The following ICMT variants were observed in gnomAD, a reference collection of about 807,000 sequenced individuals.
ICMT encodes protein-S-isoprenylcysteine O-methyltransferase.
Under a neutral mutation model 32.2 loss-of-function variants are expected in ICMT, and 10 were observed. That is an observed-to-expected ratio of 0.31 (90% confidence interval 0.19 to 0.53). The LOEUF is 0.53. ICMT is among the 20% of genes least tolerant of loss of function. ICMT has a pLI of 0.96. For synonymous variants in ICMT, 183 were observed against 158.2 expected, an observed-to-expected ratio of 1.16 and a Z score of -1.18; for missense variants, 265 against 356.9, an observed-to-expected ratio of 0.74 and a Z score of 2.07.
intron 3 of ICMT, among the ~76,000 whole-genome samples, chr1:6,232,458 G>C (rs149478136): frequency 6.6e-6 from 1 of 152,126 alleles, no homozygotes; most frequent in Non-Finnish European, 1.5e-5. Context: ...AGCAAAAAAG[G>C]GTCCAAGGTT....
intron 4 of ICMT, among the ~76,000 whole-genome samples, chr1:6,230,986 G>C (rs1359788146): frequency 6.6e-6 from 1 of 151,556 alleles, no homozygotes; most frequent in East Asian, 1.9e-4. Context: ...CAGACTGCTT[G>C]AGCTCAGTAG....
rs911894892 is a variant in ICMT at position 6,223,614 on chromosome 1, T to C, written c.*1466A>G. The stretch of plus-strand genomic sequence containing the variant: ...TAGCTTTCATACAGTACAGATTTCA[T>C]TGATGTCGCTCCCACATCTGAGTAT... On this transcript the variant is annotated 3_prime_UTR_variant, in exon 5 of 5. Coordinates refer to ENST00000343813, the MANE Select transcript of ICMT (RefSeq NM_012405.4). 2 of 152,272 alleles carry C rather than the reference T, an allele frequency of 1.3e-5. No homozygotes were observed. Among genetic ancestry groups the C allele is most frequent in the East Asian group, 1.9e-4 (1 of 5,198 alleles). 9.4% of individuals were successfully genotyped at this position (152,272 alleles called of 1,614,324 possible).
intron 4 of ICMT, among the ~76,000 whole-genome samples, chr1:6,230,655 C>T (rs1668720404): frequency 6.6e-6 from 1 of 150,828 alleles, no homozygotes; most frequent in South Asian, 2.1e-4. Context: ...TTTGGGAGGC[C>T]GAGGCGGGCA....
chr1:6,228,903 A>G (rs1168634713), intron 4 of ICMT, among the ~76,000 whole-genome samples: 1 of 151,948 alleles, frequency 6.6e-6, no homozygotes, highest in Non-Finnish European at 1.5e-5. Flanking sequence ...GAGGTAGTGC[A>G]CAACTGTAAT....
In ICMT at chr1:6,231,988, T is replaced by C. The variant is rs1668745357; in HGVS notation, c.586A>G (p.Thr196Ala). ...NHVVQNEKSD[T>A]HTLVTSGVYA... ...ACTCCACTGGTCACCAGAGTATGTGTATCTGATTTTTCATTCTGTACCACG... is the reference window on the plus strand; with the variant it reads ...ACTCCACTGGTCACCAGAGTATGTGCATCTGATTTTTCATTCTGTACCACG... Residue 196 changes from threonine (T) to alanine (A), a missense_variant, in exon 4 of 5, where the codon ACA (threonine) becomes GCA (alanine). Physicochemically the swap from Thr to Ala is moderately conservative, Grantham distance 58 (BLOSUM62 0). This residue lies in a region of ICMT where 166 missense variants were observed against 264.3 expected (regional missense o/e 0.63). Coordinates refer to ENST00000343813, the MANE Select transcript of ICMT (RefSeq NM_012405.4). 6.2e-7 allele frequency: 1 copy of C among 1,614,084 alleles called. No individual in the cohort carries two copies. Among genetic ancestry groups the C allele is most frequent in the African/African-American group, 1.3e-5 (1 of 75,006 alleles).
chr1:6,231,615 C>T (rs2100966842), intron 4 of ICMT, among the ~76,000 whole-genome samples: 1 of 151,978 alleles, frequency 6.6e-6, no homozygotes. Flanking sequence ...CAGCAGGTAG[C>T]TAACAGCACC....
chr1:6,222,697 AAC>A lies in ICMT; in HGVS notation c.*2381_*2382del, dbSNP rs374504103. The A allele has an allele frequency of 5.9e-5, 9 of 152,260 alleles. No homozygotes were observed. Among genetic ancestry groups the A allele is most frequent in the Admixed American group, 5.9e-4 (9 of 15,286 alleles). 9.4% of individuals were successfully genotyped at this position (152,260 alleles called of 1,614,324 possible). A position where few individuals can be genotyped will look rare whatever the true frequency, so the allele number is the denominator to read the frequency against. On this transcript the variant is annotated 3_prime_UTR_variant, in exon 5 of 5. Coordinates refer to ENST00000343813, the MANE Select transcript of ICMT (RefSeq NM_012405.4). Reference sequence around the variant, plus strand: ...CAGATGGAGGATGGCATTAAATGCCAACACAGTCAGCTTACCATCCACAAGGC... The same window carrying A: ...CAGATGGAGGATGGCATTAAATGCCAACAGTCAGCTTACCATCCACAAGGC...
intron 4 of ICMT, among the ~76,000 whole-genome samples, chr1:6,227,787 C>T (rs1225313793): frequency 1.3e-5 from 2 of 151,448 alleles, no homozygotes; most frequent in African/African-American, 2.4e-5. Context: ...ACCCAGGAGG[C>T]GGAGCTTGCA....
At chr1:6,233,256 C>T (rs1187569648) in intron 3 of ICMT, among the ~76,000 whole-genome samples, 1 of 152,270 alleles carries the variant, frequency 6.6e-6, no homozygotes, top group African/African-American at 2.4e-5. Flanking sequence ...CTATGTGATG[C>T]AAACTTTAAA....
chr1:6,225,656 T>A (rs1489104611), intron 4 of ICMT, among the ~76,000 whole-genome samples: 2 of 151,778 alleles, frequency 1.3e-5, no homozygotes, highest in Non-Finnish European at 2.9e-5. Flanking sequence ...GGCCTCTGCC[T>A]CCTAAACCCA....
chr1:6,225,398 T>C (rs3747974), intron 4 of ICMT, 136 bp from the exon 5 acceptor site: 78,720 of 775,286 alleles, frequency 0.1, 6,066 homozygotes, highest in African/African-American at 0.34. Flanking sequence ...CTGGGAGCAG[T>C]ACTGTCACCT....
At position 6,233,458 on chromosome 1, in the gene ICMT, C is replaced by G; in HGVS notation, c.454+16G>C. ...CACCCTTTTCCCCTCCAGAGGGGGACATAAGGCACACGAACCTGGCCAAAA... is the reference window on the plus strand; with the variant it reads ...CACCCTTTTCCCCTCCAGAGGGGGAGATAAGGCACACGAACCTGGCCAAAA... On this transcript the variant is annotated intron_variant, in intron 3 of 4. Transcript: ENST00000343813. 1.2e-6 allele frequency: 2 copies of G among 1,609,792 alleles called. No individual in the cohort carries two copies. The highest frequency in any genetic ancestry group is 1.7e-6 in the Non-Finnish European group (2 of 1,177,860).
rs1318781518 is a variant in ICMT at position 6,231,779 on chromosome 1, A to G, written c.672+123T>C. The G allele has an allele frequency of 7.8e-6, 5 of 637,456 alleles. No homozygotes were observed. In the African/African-American group the frequency reaches 9.2e-5, roughly 12 times the overall value. The allele number at this position is 637,456 out of a possible 1,614,324, so 39.5% of individuals were successfully genotyped here. On this transcript the variant is annotated intron_variant, in intron 4 of 4. Transcript: ENST00000343813. ...TTTAAAGGAGACCAACAACCTCATGAATACACTGAAAACCACTAATTGTAT... is the reference window on the plus strand; with the variant it reads ...TTTAAAGGAGACCAACAACCTCATGGATACACTGAAAACCACTAATTGTAT...
At chr1:6,229,712 C>T (rs763741969) in intron 4 of ICMT, among the ~76,000 whole-genome samples, 4 of 151,166 alleles carry the variant, frequency 2.6e-5, no homozygotes, top group Non-Finnish European at 5.9e-5. Context: ...ATGATCATGC[C>T]AATGCACTAT....
At chr1:6,231,273 T>C (rs1197218813) in intron 4 of ICMT, among the ~76,000 whole-genome samples, 1 of 152,034 alleles carries the variant, frequency 6.6e-6, no homozygotes, top group Admixed American at 6.5e-5. Flanking sequence ...CACTAACACA[T>C]GGCCTCGGCC....
In ICMT at chr1:6,235,946, G is replaced by C; in HGVS notation, c.-35C>G. 1.9e-6 allele frequency: 2 copies of C among 1,068,790 alleles called. No homozygotes were observed. Among genetic ancestry groups the C allele is most frequent in the Non-Finnish European group, 1.1e-6 (1 of 877,450 alleles). The allele number at this position is 1,068,790 out of a possible 1,614,324, so 66.2% of individuals were successfully genotyped here. A position where few individuals can be genotyped will look rare whatever the true frequency, so the allele number is the denominator to read the frequency against. ...CGGCGGACTAGCGGGCGGCGGCGCC[G>C]GCTGTAGCCCGGAGAAACGCGCCGG... On this transcript the variant is annotated 5_prime_UTR_variant, in exon 1 of 5. Coordinates refer to ENST00000343813, the MANE Select transcript of ICMT (RefSeq NM_012405.4).
At chr1:6,234,057 AAGGCTGGTCTCGAACTCCTGGCTTGGCC>A (rs1668777311) in intron 2 of ICMT, among the ~76,000 whole-genome samples, 1 of 152,072 alleles carries the variant, frequency 6.6e-6, no homozygotes, top group African/African-American at 2.4e-5. Flanking sequence ...CTATGTTGGC[AAGGCTGGTCTCGAACTCCTGGCTTGGCC>A]AGGCTGGTCT....
In ICMT at chr1:6,233,000, G is replaced by A. The variant is rs143970513; in HGVS notation, c.454+474C>T. On this transcript the variant is annotated intron_variant, in intron 3 of 4. Coordinates refer to ENST00000343813, the MANE Select transcript of ICMT (RefSeq NM_012405.4). ...AGCCTCCCGAGTAGCTGGGATTACA[G>A]GCATGTGCCACTACGCCTGGCTTTT... Among the ~76,000 whole-genome samples the A allele has an allele frequency of 3.4e-3, 522 of 152,164 alleles. 3 individuals carry two copies. The highest frequency in any genetic ancestry group is 0.012 in the African/African-American group (502 of 41,508).
At chr1:6,230,228 T>C (rs1343620302) in intron 4 of ICMT, among the ~76,000 whole-genome samples, 3 of 151,920 alleles carry the variant, frequency 2.0e-5, no homozygotes, top group Admixed American at 2.0e-4. Context: ...GGTTCTCAGG[T>C]CTCAGCCTCC....
Sources: gnomAD v4.1 joint callset for allele counts (sites outside exome capture counted in the v4.1 genomes callset) on GRCh38, gnomAD v4.1.1 for gene constraint, gnomAD v4.1.1 regional missense constraint, MANE v1.5 for transcripts, NCBI Gene and HGNC (gene_info 2026-07-23, HGNC 2026-07-21) for gene names.